Variants in NBAS observed in about 807,000 individuals in gnomAD.
NBAS encodes NBAS subunit of NRZ tethering complex.
Under a neutral mutation model 302.5 loss-of-function variants are expected in NBAS, and 219 were observed. That is an observed-to-expected ratio of 0.72 (90% CI 0.65 to 0.81). NBAS has a LOEUF of 0.81. Ranked by LOEUF, NBAS falls within the 30% of genes least tolerant of loss-of-function variation. The pLI, the probability that NBAS is intolerant of heterozygous loss-of-function variation, is 0.00. For missense variants in NBAS, 2,932 were observed against 2,841.6 expected (o/e 1.03, Z -0.72); for synonymous variants, 1,118 against 1,021.6 (o/e 1.09, Z -1.80).
chr2:15,058,749 C>A, the NBAS span, among the ~76,000 whole-genome samples: 1 of 152,182 alleles, frequency 6.6e-6, no homozygotes, highest in African/African-American at 2.4e-5. Flanking sequence ...ACAACTTTCA[C>A]AACTGGCCGG....
chr2:15,378,192 C>T (rs570046064), intron 30 of NBAS, among the ~76,000 whole-genome samples: 5 of 151,894 alleles, frequency 3.3e-5, no homozygotes, highest in South Asian at 2.1e-4. Flanking sequence ...TGCCTTGAGG[C>T]GGAAAAAATA....
At chr2:14,817,897 C>T in the NBAS span, among the ~76,000 whole-genome samples, 1 of 152,116 alleles carries the variant, frequency 6.6e-6, no homozygotes, top group Non-Finnish European at 1.5e-5. Context: ...ATTACTGAAC[C>T]TCTCCGGAGA....
chr2:15,302,138 T>C (rs1159870238), intron 40 of NBAS, among the ~76,000 whole-genome samples: 2 of 152,108 alleles, frequency 1.3e-5, no homozygotes, highest in Non-Finnish European at 2.9e-5. Context: ...TGGAAACAAA[T>C]GGAGAGGTGG....
At chr2:15,125,615 G>A in the NBAS span, among the ~76,000 whole-genome samples, 2 of 152,166 alleles carry the variant, frequency 1.3e-5, no homozygotes, top group African/African-American at 4.8e-5. Flanking sequence ...CTGGATGTGA[G>A]ACATGGAGTC....
chr2:14,935,703 T>C, the NBAS span, among the ~76,000 whole-genome samples: 1 of 152,210 alleles, frequency 6.6e-6, no homozygotes, highest in African/African-American at 2.4e-5. Context: ...GCTGGAAATG[T>C]GTCTTCTAGC....
the NBAS span, among the ~76,000 whole-genome samples, chr2:15,017,746 C>CA: frequency 1.3e-5 from 2 of 151,890 alleles, no homozygotes; most frequent in African/African-American, 4.8e-5. Flanking sequence ...AGAGGTTCCT[C>CA]AAAAAAATTA....
chr2:14,944,283 G>A, the NBAS span, among the ~76,000 whole-genome samples: 7 of 151,884 alleles, frequency 4.6e-5, no homozygotes, highest in African/African-American at 1.5e-4. Flanking sequence ...CAGCCTGGGC[G>A]ACAGAGTGAG....
chr2:15,461,070 A>T, intron 21 of NBAS, 131 bp downstream of exon 21: 2 of 891,456 alleles, frequency 2.2e-6, no homozygotes, highest in African/African-American at 1.7e-5. Context: ...ACAATAACTT[A>T]ATTTTTTATC....
At chr2:15,022,791 C>T in the NBAS span, among the ~76,000 whole-genome samples, 1 of 152,094 alleles carries the variant, frequency 6.6e-6, no homozygotes, top group Non-Finnish European at 1.5e-5. Context: ...TATATCCATT[C>T]TTCCAATCTT....
At chr2:15,001,646 C>T in the NBAS span, among the ~76,000 whole-genome samples, 57,864 of 151,926 alleles carry the variant, frequency 0.38, 11,794 homozygotes, top group Middle Eastern at 0.43. Context: ...TTTGTGGGTT[C>T]TTGGTCTCAC....
intron 40 of NBAS, among the ~76,000 whole-genome samples, chr2:15,296,982 T>A (rs954189612): frequency 2.0e-5 from 3 of 152,252 alleles, no homozygotes; most frequent in African/African-American, 7.2e-5. Context: ...TGAATCATTT[T>A]TATTTCATAT....
At chr2:15,441,025 T>A (rs1678365861) in intron 21 of NBAS, among the ~76,000 whole-genome samples, 1 of 152,204 alleles carries the variant, frequency 6.6e-6, no homozygotes, top group African/African-American at 2.4e-5. Flanking sequence ...CAAATCTGCA[T>A]CTGATTGGTG....
At chr2:14,804,785 A>C in the NBAS span, among the ~76,000 whole-genome samples, 1 of 152,376 alleles carries the variant, frequency 6.6e-6, no homozygotes, top group East Asian at 1.9e-4. Flanking sequence ...GTATGTAATA[A>C]GATAAAAATA....
chr2:14,788,669 T>G, the NBAS span, among the ~76,000 whole-genome samples: 1 of 152,312 alleles, frequency 6.6e-6, no homozygotes, highest in East Asian at 1.9e-4. Context: ...TGCTGTCTGA[T>G]CGTTCCTCTG....
the NBAS span, among the ~76,000 whole-genome samples, chr2:15,056,731 T>C: frequency 2.0e-4 from 31 of 152,062 alleles, no homozygotes; most frequent in Non-Finnish European, 1.5e-5. Flanking sequence ...GTAAGTTTTA[T>C]GTCAGGTTGC....
intron 12 of NBAS, among the ~76,000 whole-genome samples, chr2:15,484,130 T>C (rs935481520): frequency 6.6e-6 from 1 of 152,200 alleles, no homozygotes; most frequent in Admixed American, 6.5e-5. Flanking sequence ...TAAACAACTG[T>C]ATTACACCTC....
chr2:15,551,557 A>T lies in NBAS; in HGVS notation c.336-21T>A, dbSNP rs750328110. 1.9e-6 allele frequency: 3 copies of T among 1,599,574 alleles called. No homozygotes were observed. In the East Asian group the frequency reaches 6.7e-5, roughly 36 times the overall value. On this transcript the variant is annotated intron_variant, in intron 5 of 51. Coordinates refer to ENST00000281513, the MANE Select transcript of NBAS (RefSeq NM_015909.4). ...CAGACCTGTAAAACATGCAAAATCA[A>T]GGCAAAAGTTTTATCGTAACACTGT...
intron 36 of NBAS, among the ~76,000 whole-genome samples, chr2:15,330,231 C>T (rs1055098723): frequency 1.3e-5 from 2 of 152,212 alleles, no homozygotes; most frequent in African/African-American, 4.8e-5. Context: ...AGAATCTGTT[C>T]AACTGTTCTC....
chr2:15,422,701 T>C (rs1677270596), intron 23 of NBAS, among the ~76,000 whole-genome samples: 2 of 152,230 alleles, frequency 1.3e-5, no homozygotes, highest in Admixed American at 6.5e-5. Flanking sequence ...AAATTCATGA[T>C]ACTGATTGCC....
Sources: allele counts gnomAD v4.1 joint callset (sites outside exome capture counted in the v4.1 genomes callset), GRCh38; gene constraint gnomAD v4.1.1; transcripts MANE v1.5; gene names NCBI Gene and HGNC (gene_info 2026-07-23, HGNC 2026-07-21).